Variants in KAT7 observed in about 807,000 individuals in gnomAD.
The protein encoded by KAT7 is histone acetyltransferase KAT7.
KAT7 carries 10 observed loss-of-function variants against 82.1 expected under a neutral mutation model. The ratio of observed to expected loss-of-function variants is 0.12; its 90% CI spans 0.08 to 0.21. The LOEUF is 0.21. Among genes scored for constraint, KAT7 ranks in the 10% least tolerant of loss-of-function variants. The pLI is 1.00. For missense variants in KAT7, 378 were observed against 760.9 expected (o/e 0.50, Z 5.92); for synonymous variants, 250 against 262.5 (o/e 0.95, Z 0.46).
chr17:49,817,716 C>CT, intron 8 of KAT7, 104 bp from the exon 9 acceptor site: 3 of 881,716 alleles, frequency 3.4e-6, no homozygotes, highest in Non-Finnish European at 5.3e-6. Flanking sequence ...ACCTGCCTGC[C>CT]TCAGCCTCCC....
chr17:49,807,907 ACTGG>A (rs1359513068), intron 5 of KAT7, among the ~76,000 whole-genome samples: 81 of 152,302 alleles, frequency 5.3e-4, no homozygotes, highest in Middle Eastern at 3.4e-3. Context: ...ATTTATTAAT[ACTGG>A]GAAGATTTGG....
chr17:49,822,975 G>A (rs2074324765), intron 11 of KAT7, among the ~76,000 whole-genome samples: 2 of 152,182 alleles, frequency 1.3e-5, no homozygotes, highest in African/African-American at 4.8e-5. Flanking sequence ...CCCAGAGTCA[G>A]CCTCCTTAAA....
At chr17:49,793,681 C>T (rs1222499324) in intron 2 of KAT7, among the ~76,000 whole-genome samples, 2 of 149,020 alleles carry the variant, frequency 1.3e-5, no homozygotes, top group African/African-American at 2.5e-5. Context: ...TCAAGCAATT[C>T]TCCTGCCTCA....
Position 49,798,386 on chromosome 17 carries a change from T to C in KAT7, c.408T>C (p.Ser136=). 6.2e-7 allele frequency: 1 copy of C among 1,614,240 alleles called. No homozygotes were observed. Among genetic ancestry groups the C allele is most frequent in the African/African-American group, 1.3e-5 (1 of 75,074 alleles). ...CTCCAACTGGAAATGCGCCTTCTTC[T>C]GAGTCTGACATAGACATCTCCAGCC... is the stretch of plus-strand genomic sequence containing the variant. The part of the protein sequence containing the change: ...PRTPTGNAPS[S]ESDIDISSPN... Residue 136 remains serine, a synonymous_variant, in exon 4 of 15, where the codon TCT becomes TCC. Coordinates refer to ENST00000259021, the MANE Select transcript of KAT7 (RefSeq NM_007067.5).
At chr17:49,825,915 CCTT>C in intron 12 of KAT7, 82 bp from the exon 13 acceptor site, 3 of 1,418,192 alleles carry the variant, frequency 2.1e-6, no homozygotes, top group East Asian at 2.3e-5. Context: ...GCTTCTTAAA[CCTT>C]CTTCCATGTT....
Position 49,788,731 on chromosome 17 carries a change from G to C in KAT7, c.-104G>C, listed in dbSNP as rs1282410116. 7.6e-7 allele frequency: 1 copy of C among 1,318,046 alleles called. No homozygotes were observed. Among genetic ancestry groups the C allele is most frequent in the South Asian group, 1.3e-5 (1 of 75,570 alleles). 81.6% of individuals were successfully genotyped at this position (1,318,046 alleles called of 1,614,324 possible). A position where few individuals can be genotyped will look rare whatever the true frequency, so the allele number is the denominator to read the frequency against. On this transcript the variant is annotated 5_prime_UTR_variant, in exon 1 of 15. Transcript: ENST00000259021. ...CAGGAGGCACTAGGGATCGTCCGCA[G>C]GATTGGGACTGATACAGAGGCCGCC...
At chr17:49,826,914 C>G (rs2074375444) in intron 14 of KAT7, 115 bp downstream of exon 14, 3 of 631,520 alleles carry the variant, frequency 4.8e-6, no homozygotes, top group African/African-American at 1.8e-5. Flanking sequence ...GCTACACGCC[C>G]CTTTTACTGG....
chr17:49,820,480 T>C (rs918315373), intron 9 of KAT7, among the ~76,000 whole-genome samples: 6 of 152,124 alleles, frequency 3.9e-5, no homozygotes, highest in East Asian at 1.9e-4. Context: ...GGTTTCACCA[T>C]GTTGGCCAGG....
At position 49,798,347 on chromosome 17, in the gene KAT7, G is replaced by A. The variant is rs766898870; in HGVS notation, c.369G>A (p.Glu123=). ...CTAAAAATACAGCTGATCATGATGA[G>A]TCACCGCCTCGAACTCCAACTGGAA... ...RETKNTADHD[E]SPPRTPTGNA... Residue 123 remains glutamate (E), a synonymous_variant, in exon 4 of 15, where the codon GAG becomes GAA. Coordinates refer to ENST00000259021, the MANE Select transcript of KAT7 (RefSeq NM_007067.5). 1 of 1,614,150 alleles carries A rather than the reference G, an allele frequency of 6.2e-7. No individual in the cohort carries two copies. Among genetic ancestry groups the A allele is most frequent in the South Asian group, 1.1e-5 (1 of 91,084 alleles).
intron 12 of KAT7, among the ~76,000 whole-genome samples, 183 bp from the exon 13 acceptor site, chr17:49,825,817 C>A (rs2074362357): frequency 1.3e-5 from 2 of 152,208 alleles, no homozygotes; most frequent in African/African-American, 4.8e-5. Flanking sequence ...AATACACATT[C>A]TTCCCCTTTT....
intron 3 of KAT7, among the ~76,000 whole-genome samples, chr17:49,797,962 A>G (rs1189779369): frequency 6.6e-6 from 1 of 152,244 alleles, no homozygotes; most frequent in Non-Finnish European, 1.5e-5. Context: ...ATCCAGAAAG[A>G]TAATCACTGT....
intron 7 of KAT7, among the ~76,000 whole-genome samples, chr17:49,814,013 TC>T (rs753711234): frequency 2.0e-5 from 3 of 152,154 alleles, no homozygotes; most frequent in Non-Finnish European, 2.9e-5. Context: ...TGCCTCAGCC[TC>T]CTGAGTAGCT....
intron 4 of KAT7, among the ~76,000 whole-genome samples, chr17:49,803,892 T>C (rs1440817707): frequency 6.8e-6 from 1 of 146,304 alleles, no homozygotes; most frequent in Non-Finnish European, 1.5e-5. Context: ...TTAAATGTCT[T>C]TTTTTTTTTT....
chr17:49,805,573 A>G, intron 5 of KAT7, 128 bp downstream of exon 5: 4 of 533,372 alleles, frequency 7.5e-6, no homozygotes, highest in Non-Finnish European at 1.3e-5. Flanking sequence ...ATTGTAGTGG[A>G]GGAAACATAA....
intron 7 of KAT7, 48 bp from the exon 8 acceptor site, chr17:49,815,755 C>T (rs748512120): frequency 3.9e-5 from 44 of 1,137,698 alleles, no homozygotes; most frequent in Non-Finnish European, 4.9e-5. Flanking sequence ...TTAAAAAGTT[C>T]TTAGAAGCAG....
At chr17:49,810,483 C>G (rs1018007369) in intron 6 of KAT7, among the ~76,000 whole-genome samples, 1 of 152,178 alleles carries the variant, frequency 6.6e-6, no homozygotes, top group Admixed American at 6.5e-5. Context: ...TCTTAAACTC[C>G]TGACCTCCAG....
At chr17:49,811,364 C>G in intron 6 of KAT7, 112 bp from the exon 7 acceptor site, 1 of 482,744 alleles carries the variant, frequency 2.1e-6, no homozygotes, top group Non-Finnish European at 3.7e-6. Flanking sequence ...GCCTTGGCCT[C>G]CCAAAGTGCT....
chr17:49,831,548 G>A lies in KAT7; in HGVS notation c.*4046G>A, dbSNP rs1161438536. 1 of 152,174 alleles carries A rather than the reference G, an allele frequency of 6.6e-6. No homozygotes were observed. Among genetic ancestry groups the A allele is most frequent in the Non-Finnish European group, 1.5e-5 (1 of 68,028 alleles). 9.4% of individuals were successfully genotyped at this position (152,174 alleles called of 1,614,324 possible). A position where few individuals can be genotyped will look rare whatever the true frequency, so the allele number is the denominator to read the frequency against. On this transcript the variant is annotated 3_prime_UTR_variant, in exon 15 of 15. Transcript: ENST00000259021. Reference sequence around the variant, plus strand: ...GCTGTGTCATAGCAATAGAATGAGAGAGCCTTGCTTCCCTGAGTCCAAATC... The same window carrying A: ...GCTGTGTCATAGCAATAGAATGAGAAAGCCTTGCTTCCCTGAGTCCAAATC...
chr17:49,804,239 CG>C (rs1598063465), intron 4 of KAT7, among the ~76,000 whole-genome samples: 1 of 151,952 alleles, frequency 6.6e-6, no homozygotes, highest in Non-Finnish European at 1.5e-5. Context: ...ATTAGCCGGG[CG>C]TGGCGGCAGG....
Sources: allele counts gnomAD v4.1 joint callset (sites outside exome capture counted in the v4.1 genomes callset), GRCh38; gene constraint gnomAD v4.1.1; transcripts MANE v1.5; gene names NCBI Gene and HGNC (gene_info 2026-07-23, HGNC 2026-07-21).